Variants in CRYGS observed in about 807,000 individuals in gnomAD.
CRYGS encodes the protein gamma-crystallin S.
Under a neutral mutation model 21.3 loss-of-function variants are expected in CRYGS, and 13 were observed. The observed-to-expected ratio is 0.61, with a 90% CI of 0.40 to 0.97. The LOEUF (loss-of-function observed/expected upper bound fraction) is 0.97. Ranked by LOEUF, CRYGS falls within the 50% of genes least tolerant of loss-of-function variation. The pLI is 0.00. For synonymous variants in CRYGS, 67 were observed against 75.0 expected, an observed-to-expected ratio of 0.89 and a Z score of 0.55; for missense variants, 205 against 229.7, an observed-to-expected ratio of 0.89 and a Z score of 0.69.
chr3:186,539,638 G>A (rs758690614), intron 1 of CRYGS, 41 bp from the exon 2 acceptor site: 26 of 1,612,750 alleles, frequency 1.6e-5, no homozygotes, highest in Non-Finnish European at 2.2e-5. Flanking sequence ...GAGGAGCTGG[G>A]TGGCTTAATT....
intron 1 of CRYGS, chr3:186,540,400 T>C (rs1018847997): frequency 2.0e-5 from 3 of 152,236 alleles, no homozygotes; most frequent in African/African-American, 7.2e-5. Flanking sequence ...AGCTTCCTAT[T>C]TGAAGACTAC....
intron 1 of CRYGS, 118 bp from the exon 2 acceptor site, chr3:186,539,715 A>G (rs1302601721): frequency 1.6e-5 from 20 of 1,251,160 alleles, no homozygotes; most frequent in Non-Finnish European, 2.3e-5. Context: ...TTGAGGAAAA[A>G]TATGTAGCTG....
Position 186,541,442 on chromosome 3 carries a change from A to C in CRYGS, c.22-1845T>G, listed in dbSNP as rs1189973135. Among the ~76,000 whole-genome samples the C allele has an allele frequency of 2.6e-5, 4 of 152,172 alleles. No homozygotes were observed. The East Asian group carries it at 7.7e-4, about 29-fold the overall frequency. Reference sequence around the variant, plus strand: ...CCATCTTAGCACAGTACAGATTTAGATATATGGTACCTCAGTTTACGGATG... The same window carrying C: ...CCATCTTAGCACAGTACAGATTTAGCTATATGGTACCTCAGTTTACGGATG... On this transcript the variant is annotated intron_variant, in intron 1 of 2. Transcript: ENST00000307944.
In CRYGS at chr3:186,544,378, T is replaced by A; in HGVS notation, c.-52A>T. On this transcript the variant is annotated 5_prime_UTR_variant, in exon 1 of 3. Coordinates refer to ENST00000307944, the MANE Select transcript of CRYGS (RefSeq NM_017541.4). The stretch of plus-strand genomic sequence containing the variant: ...GTGCTGAAAGAAATTCAGGAATGGC[T>A]ACAGAGAGTTAGAGGCACAGTGACA... 1 of 1,282,106 alleles carries A rather than the reference T, an allele frequency of 7.8e-7. No individual in the cohort carries two copies. Among genetic ancestry groups the A allele is most frequent in the Non-Finnish European group, 1.1e-6 (1 of 877,098 alleles). The allele number at this position is 1,282,106 out of a possible 1,614,324, so 79.4% of individuals were successfully genotyped here.
intron 2 of CRYGS, 138 bp downstream of exon 2, chr3:186,539,217 T>C (rs1030643258): frequency 1.6e-6 from 2 of 1,223,430 alleles, no homozygotes; most frequent in Non-Finnish European, 2.4e-6. Flanking sequence ...TGCTCTAAGA[T>C]GTTACTCAAG....
At chr3:186,543,270 G>A (rs1435750758) in intron 1 of CRYGS, among the ~76,000 whole-genome samples, 1 of 152,114 alleles carries the variant, frequency 6.6e-6, no homozygotes, top group Non-Finnish European at 1.5e-5. Context: ...TACAATACAT[G>A]TTTTTCACTG....
At chr3:186,544,173 ATCT>A in intron 1 of CRYGS, 130 bp downstream of exon 1, 1 of 747,510 alleles carries the variant, frequency 1.3e-6, no homozygotes, top group Non-Finnish European at 2.5e-6. Flanking sequence ...GCATTTCTTA[ATCT>A]TCTCTCTCAA....
chr3:186,542,625 C>T (rs1358515158), intron 1 of CRYGS, among the ~76,000 whole-genome samples: 2 of 152,052 alleles, frequency 1.3e-5, no homozygotes. Flanking sequence ...AAACTGCTAT[C>T]AAGATAGTGG....
intron 1 of CRYGS, among the ~76,000 whole-genome samples, chr3:186,541,319 G>A (rs1204065854): frequency 5.3e-5 from 8 of 151,302 alleles, no homozygotes; most frequent in Non-Finnish European, 1.5e-5. Context: ...TCTCTTTCCT[G>A]TTCCCTAAAA....
At chr3:186,541,363 A>G in intron 1 of CRYGS, among the ~76,000 whole-genome samples, 1 of 151,570 alleles carries the variant, frequency 6.6e-6, no homozygotes, top group Non-Finnish European at 1.5e-5. Flanking sequence ...TAAATCATCT[A>G]CTTCCTCTCC....
intron 1 of CRYGS, chr3:186,540,528 A>G (rs1211605346): frequency 6.5e-6 from 1 of 152,776 alleles, no homozygotes; most frequent in Admixed American, 6.5e-5. Flanking sequence ...ACCACGATGA[A>G]AACTACAAAT....
At chr3:186,543,101 A>C (rs1714105937) in intron 1 of CRYGS, among the ~76,000 whole-genome samples, 1 of 152,200 alleles carries the variant, frequency 6.6e-6, no homozygotes, top group Non-Finnish European at 1.5e-5. Context: ...GAATCTAAAC[A>C]TGAGGAAACA....
intron 2 of CRYGS, 130 bp downstream of exon 2, chr3:186,539,225 A>T: frequency 1.5e-6 from 2 of 1,317,046 alleles, no homozygotes; most frequent in Non-Finnish European, 1.1e-6. Flanking sequence ...GATGTTACTC[A>T]AGCCTCAGCA....
At position 186,538,675 on chromosome 3, in the gene CRYGS, A is replaced by T. The variant is rs1351236042; in HGVS notation, c.*21T>A. 1.2e-6 allele frequency: 2 copies of T among 1,613,954 alleles called. No homozygotes were observed. Among genetic ancestry groups the T allele is most frequent in the African/African-American group, 2.7e-5 (2 of 74,916 alleles). ...CAGCCAGCATTTGGGCCCCAGGAAG[A>T]ATATGGCCCCATTCATGTCATTACT... On this transcript the variant is annotated 3_prime_UTR_variant, in exon 3 of 3. Coordinates refer to ENST00000307944, the MANE Select transcript of CRYGS (RefSeq NM_017541.4).
chr3:186,539,387 C>T lies in CRYGS; in HGVS notation c.232G>A (p.Asp78Asn), dbSNP rs373678419. 3.7e-6 allele frequency: 6 copies of T among 1,612,048 alleles called. No homozygotes were observed. Among genetic ancestry groups the T allele is most frequent in the African/African-American group, 2.7e-5 (2 of 74,860 alleles). ...ACAGCTCTGCAGGAGCTGAGGCGGT[C>T]GTTGAGGCCCATCCAACGCTGGTAT... ...PEYQRWMGLN[D>N]RLSSCRAVHL... The change falls in exon 2 of 3, where the codon GAC (aspartate) becomes AAC (asparagine). Residue 78 changes from aspartate (D) to asparagine (N), a missense_variant. Coordinates refer to ENST00000307944, the MANE Select transcript of CRYGS (RefSeq NM_017541.4).
chr3:186,539,543 C>T lies in CRYGS; in HGVS notation c.76G>A (p.Asp26Asn), dbSNP rs1384578760. 25 of 1,613,936 alleles carry T rather than the reference C, an allele frequency of 1.5e-5. No individual in the cohort carries two copies. In the Admixed American group the frequency reaches 2.0e-4, roughly 13 times the overall value. Residue 26 changes from aspartate (D) to asparagine (N), a missense_variant, in exon 2 of 3, where the codon GAC becomes AAC. Physicochemically the swap from Asp to Asn is conservative, Grantham distance 23. Transcript: ENST00000307944. ...AGGTATGTGTGGAAATCTGCACAGT[C>T]GCAATCACAGTCATAGCGACGGCCT... ...FQGRRYDCDC[D>N]CADFHTYLSR...
chr3:186,539,229 C>T (rs892016868), intron 2 of CRYGS, 126 bp downstream of exon 2: 1 of 1,345,106 alleles, frequency 7.4e-7, no homozygotes, highest in African/African-American at 1.4e-5. Context: ...TTACTCAAGC[C>T]TCAGCAGCCA....
rs1713986073 is a variant in CRYGS, at chr3:186,538,774, G to A, written c.459C>T (p.Asp153=). The A allele has an allele frequency of 6.2e-7, 1 of 1,614,010 alleles. No homozygotes were observed. Among genetic ancestry groups the A allele is most frequent in the African/African-American group, 1.3e-5 (1 of 74,912 alleles). ...CGATGGGCTTCCGGTACTCCTTCTT[G>A]TCCAGGAGGTACTGCCTGCCACGGT... ...PNYRGRQYLL[D]KKEYRKPIDW... The change falls in exon 3 of 3, where the codon GAC becomes GAT. Residue 153 remains aspartate, a synonymous_variant. Coordinates refer to ENST00000307944, the MANE Select transcript of CRYGS (RefSeq NM_017541.4).
Position 186,538,496 on chromosome 3 carries a change from T to C in CRYGS, c.*200A>G, listed in dbSNP as rs1286247080. 1.7e-5 allele frequency: 11 copies of C among 633,806 alleles called. No homozygotes were observed. Among genetic ancestry groups the C allele is most frequent in the South Asian group, 1.9e-5 (1 of 52,560 alleles). The allele number at this position is 633,806 out of a possible 1,614,324, so 39.3% of individuals were successfully genotyped here. A position where few individuals can be genotyped will look rare whatever the true frequency, so the allele number is the denominator to read the frequency against. The stretch of plus-strand genomic sequence containing the variant: ...ATTTTGTTTGGCACAAAGATCTAGA[T>C]TGGTGATCTGGCAGATGGGTAGCTT... On this transcript the variant is annotated 3_prime_UTR_variant, in exon 3 of 3. Transcript: ENST00000307944.
Sources: allele counts gnomAD v4.1 joint callset (sites outside exome capture counted in the v4.1 genomes callset), GRCh38; gene constraint gnomAD v4.1.1; transcripts MANE v1.5; gene names NCBI Gene and HGNC (gene_info 2026-07-23, HGNC 2026-07-21).